Variants in ARL15 observed in about 807,000 individuals in gnomAD.
The protein encoded by ARL15 is ADP-ribosylation factor-like protein 15.
ARL15 carries 19 observed loss-of-function variants against 25.2 expected under a neutral mutation model. The observed-to-expected ratio is 0.75, with a 90% CI of 0.53 to 1.10. The LOEUF is 1.10. ARL15 is among the 50% of genes least tolerant of loss of function. The pLI is 0.00. For synonymous variants in ARL15, 94 were observed against 86.8 expected, an observed-to-expected ratio of 1.08 and a Z score of -0.46; for missense variants, 220 against 246.0, an observed-to-expected ratio of 0.89 and a Z score of 0.71.
intron 4 of ARL15, among the ~76,000 whole-genome samples, chr5:54,060,733 T>G (rs914731866): frequency 6.6e-6 from 1 of 152,208 alleles, no homozygotes; most frequent in Admixed American, 6.5e-5. Context: ...GGAAGGTGAC[T>G]CTTGTTATGT....
At chr5:54,079,244 A>C (rs760585274) in intron 4 of ARL15, among the ~76,000 whole-genome samples, 2 of 152,170 alleles carry the variant, frequency 1.3e-5, no homozygotes, top group Non-Finnish European at 1.5e-5. Context: ...ATTTCGCTGG[A>C]TAATTATGCA....
intron 3 of ARL15, among the ~76,000 whole-genome samples, chr5:54,121,775 G>A (rs574088997): frequency 4.1e-4 from 63 of 152,198 alleles, no homozygotes; most frequent in South Asian, 1.5e-3. Flanking sequence ...TGAAAACTCC[G>A]CTTAATTGTT....
intron 4 of ARL15, among the ~76,000 whole-genome samples, chr5:53,948,181 A>G (rs1210946339): frequency 6.6e-6 from 1 of 152,242 alleles, no homozygotes; most frequent in African/African-American, 2.4e-5. Flanking sequence ...ATGATGATAT[A>G]CAAATTAAGG....
intron 3 of ARL15, among the ~76,000 whole-genome samples, chr5:54,152,617 T>A (rs955138472): frequency 6.6e-6 from 1 of 152,178 alleles, no homozygotes; most frequent in South Asian, 2.1e-4. Context: ...TCTTCAATAC[T>A]AACACATGCC....
chr5:54,098,756 T>A (rs1194318874), intron 4 of ARL15, among the ~76,000 whole-genome samples: 1 of 152,184 alleles, frequency 6.6e-6, no homozygotes, highest in African/African-American at 2.4e-5. Context: ...GTCCTGTTGG[T>A]TGTTAAACTT....
At chr5:54,024,340 AC>A (rs1253783525) in intron 4 of ARL15, among the ~76,000 whole-genome samples, 2 of 152,208 alleles carry the variant, frequency 1.3e-5, no homozygotes, top group Non-Finnish European at 2.9e-5. Flanking sequence ...CAGTTATGTA[AC>A]ATGAAGCTAC....
At chr5:54,072,914 A>G (rs1751471946) in intron 4 of ARL15, among the ~76,000 whole-genome samples, 1 of 152,174 alleles carries the variant, frequency 6.6e-6, no homozygotes, top group African/African-American at 2.4e-5. Flanking sequence ...TGAAGATGGT[A>G]TCCTAGATTT....
At chr5:54,260,911 A>C (rs932266410) in intron 1 of ARL15, among the ~76,000 whole-genome samples, 2 of 152,200 alleles carry the variant, frequency 1.3e-5, no homozygotes, top group African/African-American at 4.8e-5. Flanking sequence ...AGAACTTGGA[A>C]TATAGCCTGG....
intron 1 of ARL15, among the ~76,000 whole-genome samples, chr5:54,237,583 T>C (rs1368402965): frequency 6.6e-6 from 1 of 152,192 alleles, no homozygotes; most frequent in Admixed American, 6.5e-5. Flanking sequence ...AAATTAGTAT[T>C]GTCTATTTAA....
intron 1 of ARL15, among the ~76,000 whole-genome samples, chr5:54,240,234 A>T (rs1416511956): frequency 2.8e-5 from 1 of 35,856 alleles, no homozygotes; most frequent in Non-Finnish European, 9.0e-5. Flanking sequence ...CTCAAAAATA[A>T]AAAAAAAAAA....
chr5:54,223,504 T>C (rs918348832), intron 1 of ARL15, among the ~76,000 whole-genome samples: 19 of 152,306 alleles, frequency 1.2e-4, no homozygotes, highest in African/African-American at 3.4e-4. Flanking sequence ...GAAAAGGGTC[T>C]ACAGGTTGAT....
At chr5:53,910,633 T>TTATATACATA (rs1745420945) in intron 4 of ARL15, among the ~76,000 whole-genome samples, 1 of 55,004 alleles carries the variant, frequency 1.8e-5, no homozygotes, top group Non-Finnish European at 3.4e-5. Context: ...TAAAAAAAAA[T>TTATATACATA]TATATATATA....
intron 1 of ARL15, among the ~76,000 whole-genome samples, chr5:54,268,837 A>T (rs1028609914): frequency 3.9e-5 from 6 of 152,362 alleles, no homozygotes; most frequent in African/African-American, 1.4e-4. Flanking sequence ...TCCAACGATG[A>T]TATATTGGAT....
chr5:54,245,866 G>A (rs1263461572), intron 1 of ARL15, among the ~76,000 whole-genome samples: 1 of 152,092 alleles, frequency 6.6e-6, no homozygotes, highest in Admixed American at 6.5e-5. Context: ...GAGATTACGG[G>A]CACGAGCCAC....
chr5:54,112,576 C>T (rs1579811013), intron 4 of ARL15, among the ~76,000 whole-genome samples: 2 of 152,300 alleles, frequency 1.3e-5, no homozygotes, highest in South Asian at 4.1e-4. Context: ...CTCATTACTG[C>T]AGTACCATGA....
At chr5:54,107,111 T>C (rs1405713402) in intron 4 of ARL15, among the ~76,000 whole-genome samples, 2 of 152,036 alleles carry the variant, frequency 1.3e-5, no homozygotes, top group East Asian at 3.9e-4. Flanking sequence ...TCCATGGTGG[T>C]GGCAAGAGAA....
intron 4 of ARL15, among the ~76,000 whole-genome samples, chr5:54,051,349 T>C (rs560296629): frequency 6.6e-6 from 1 of 152,314 alleles, no homozygotes; most frequent in African/African-American, 2.4e-5. Flanking sequence ...TGAAGTTAAG[T>C]CTGAATTCTT....
chr5:53,959,912 T>C (rs1747306519), intron 4 of ARL15, among the ~76,000 whole-genome samples: 2 of 152,138 alleles, frequency 1.3e-5, no homozygotes, highest in Admixed American at 6.5e-5. Context: ...TACTGAAAGT[T>C]CCAAGACAGG....
chr5:54,077,808 G>A (rs1462414066), intron 4 of ARL15, among the ~76,000 whole-genome samples: 1 of 152,266 alleles, frequency 6.6e-6, no homozygotes, highest in East Asian at 1.9e-4. Context: ...GAAAGGGTAG[G>A]TATGTAAGGC....
Sources: gnomAD v4.1 joint callset for allele counts (sites outside exome capture counted in the v4.1 genomes callset) on GRCh38, gnomAD v4.1.1 for gene constraint, MANE v1.5 for transcripts, NCBI Gene and HGNC (gene_info 2026-07-23, HGNC 2026-07-21) for gene names.